DACH1: variants seen among roughly 807,000 people sequenced by gnomAD.
DACH1 encodes dachshund family transcription factor 1.
Under a neutral mutation model 54.2 loss-of-function variants are expected in DACH1, and 12 were observed. The observed-to-expected ratio is 0.22, with a 90% confidence interval of 0.14 to 0.36. DACH1 has a LOEUF of 0.36. DACH1 is among the 10% of genes least tolerant of loss of function. DACH1 has a pLI of 1.00. For missense variants in DACH1, 805 were observed against 929.8 expected (o/e 0.87, Z 1.75); for synonymous variants, 386 against 366.2 (o/e 1.05, Z -0.62).
At chr13:71,783,403 T>C (rs1886462325) in intron 1 of DACH1, among the ~76,000 whole-genome samples, 1 of 152,108 alleles carries the variant, frequency 6.6e-6, no homozygotes, top group African/African-American at 2.4e-5. Flanking sequence ...CACTAACATA[T>C]ACAAACAAGA....
Position 71,438,471 on chromosome 13 carries a change from C to T in DACH1, c.*2184G>A, listed in dbSNP as rs187889953. On this transcript the variant is annotated 3_prime_UTR_variant, in exon 11 of 11. Transcript: ENST00000613252. ...ATATTTACAACATGTTAGTAAGAGT[C>T]TCTCTTAACATACAGCTGATAGCTT... is the stretch of plus-strand genomic sequence containing the variant. The T allele has an allele frequency of 5.2e-5, 8 of 152,478 alleles. No individual in the cohort carries two copies. Among genetic ancestry groups the T allele is most frequent in the Non-Finnish European group, 1.0e-4 (7 of 67,846 alleles). 9.4% of individuals were successfully genotyped at this position (152,478 alleles called of 1,614,324 possible).
At chr13:71,571,928 G>T (rs1885236779) in intron 4 of DACH1, among the ~76,000 whole-genome samples, 1 of 151,658 alleles carries the variant, frequency 6.6e-6, no homozygotes, top group Non-Finnish European at 1.5e-5. Flanking sequence ...ATAGATACGG[G>T]GTTTCACCAT....
chr13:71,843,144 A>T (rs1323309600), intron 1 of DACH1, among the ~76,000 whole-genome samples: 1 of 152,172 alleles, frequency 6.6e-6, no homozygotes, highest in African/African-American at 2.4e-5. Context: ...TGATACAAGC[A>T]TGCAATGTGT....
intron 3 of DACH1, among the ~76,000 whole-genome samples, chr13:71,583,591 C>T (rs1405232889): frequency 6.6e-6 from 1 of 152,058 alleles, no homozygotes; most frequent in Non-Finnish European, 1.5e-5. Context: ...ATCTGTAATC[C>T]CAGCACTTTG....
intron 1 of DACH1, among the ~76,000 whole-genome samples, chr13:71,736,729 G>A (rs1230427393): frequency 6.6e-6 from 1 of 152,106 alleles, no homozygotes; most frequent in East Asian, 1.9e-4. Flanking sequence ...TAGGATTAGA[G>A]CAGTAATAGT....
At chr13:71,590,843 C>G (rs146929864) in intron 3 of DACH1, among the ~76,000 whole-genome samples, 5 of 131,154 alleles carry the variant, frequency 3.8e-5, no homozygotes, top group African/African-American at 1.4e-4. Context: ...TTTTTCTTTT[C>G]TTTTTCTCTC....
At chr13:71,660,947 G>A (rs1427534090) in intron 2 of DACH1, among the ~76,000 whole-genome samples, 1 of 150,088 alleles carries the variant, frequency 6.7e-6, no homozygotes, top group East Asian at 2.0e-4. Flanking sequence ...TCTTTAGAGA[G>A]TATTATGGAT....
At chr13:71,780,984 A>G (rs964424766) in intron 1 of DACH1, among the ~76,000 whole-genome samples, 4 of 152,132 alleles carry the variant, frequency 2.6e-5, no homozygotes, top group African/African-American at 9.7e-5. Flanking sequence ...AAATAAAAAT[A>G]AATTAGCTGG....
chr13:71,542,636 C>A (rs904661673), intron 6 of DACH1, among the ~76,000 whole-genome samples: 3 of 152,074 alleles, frequency 2.0e-5, no homozygotes, highest in African/African-American at 7.2e-5. Context: ...TAATCTTAAA[C>A]CACTGCCATG....
At chr13:71,752,817 T>C (rs1401157571) in intron 1 of DACH1, among the ~76,000 whole-genome samples, 1 of 152,184 alleles carries the variant, frequency 6.6e-6, no homozygotes, top group African/African-American at 2.4e-5. Flanking sequence ...GATATTTTAG[T>C]GTGTGAAGAA....
At chr13:71,856,178 T>C (rs1365157448) in intron 1 of DACH1, among the ~76,000 whole-genome samples, 2 of 151,942 alleles carry the variant, frequency 1.3e-5, no homozygotes, top group Non-Finnish European at 2.9e-5. Flanking sequence ...GGCTCCAATA[T>C]TAAGGTTTGA....
chr13:71,491,638 A>G (rs987650264), intron 6 of DACH1, among the ~76,000 whole-genome samples: 1 of 152,212 alleles, frequency 6.6e-6, no homozygotes, highest in Non-Finnish European at 1.5e-5. Flanking sequence ...TCTTAAAGTC[A>G]ATACACAATT....
At chr13:71,568,533 G>A (rs1307809376) in intron 4 of DACH1, among the ~76,000 whole-genome samples, 1 of 151,958 alleles carries the variant, frequency 6.6e-6, no homozygotes, top group African/African-American at 2.4e-5. Context: ...ATATTGAAAT[G>A]GCTAGAACCT....
Position 71,695,166 on chromosome 13 carries a change from C to A in DACH1, c.849-13256G>T, listed in dbSNP as rs532826732. Among the ~76,000 whole-genome samples the A allele has an allele frequency of 1.3e-5, 2 of 152,102 alleles. 1 individual carries two copies. Among genetic ancestry groups the A allele is most frequent in the African/African-American group, 4.8e-5 (2 of 41,422 alleles). ...TTTCAGTCAATTTTTAATTTCATTG[C>A]TTGTTAGAGGATTTTCTAATATTTA... is the stretch of plus-strand genomic sequence containing the variant. On this transcript the variant is annotated intron_variant, in intron 1 of 10. Coordinates refer to ENST00000613252, the MANE Select transcript of DACH1 (RefSeq NM_080759.6).
rs115076184 is a variant in DACH1, at chr13:71,857,514, C to T, written c.848+8408G>A. 5.8e-3 allele frequency among the ~76,000 whole-genome samples: 886 copies of T among 151,606 alleles called. 6 individuals are homozygous for T. The highest frequency in any genetic ancestry group is 0.02 in the African/African-American group (826 of 41,440). On this transcript the variant is annotated intron_variant, in intron 1 of 10. Transcript: ENST00000613252. ...CAACACATATACATGTATGTAAAGG[C>T]TTTTCTACCAAATGTACGACAATTA... is the stretch of plus-strand genomic sequence containing the variant.
chr13:71,701,336 ACAAT>A (rs1378900154), intron 1 of DACH1, among the ~76,000 whole-genome samples: 1 of 152,210 alleles, frequency 6.6e-6, no homozygotes, highest in East Asian at 1.9e-4. Flanking sequence ...ATAATATGTG[ACAAT>A]CAGAGTTATA....
At chr13:71,725,786 G>A (rs1418370913) in intron 1 of DACH1, among the ~76,000 whole-genome samples, 1 of 151,918 alleles carries the variant, frequency 6.6e-6, no homozygotes, top group East Asian at 1.9e-4. Context: ...AAATAATACA[G>A]TATTAAAAAA....
At chr13:71,604,708 A>G (rs575221374) in intron 3 of DACH1, among the ~76,000 whole-genome samples, 1 of 152,070 alleles carries the variant, frequency 6.6e-6, no homozygotes, top group East Asian at 1.9e-4. Context: ...GTAAAACTAG[A>G]CACCTTAGAG....
intron 1 of DACH1, among the ~76,000 whole-genome samples, chr13:71,692,562 A>ACC (rs1881565500): frequency 9.4e-6 from 1 of 105,962 alleles, no homozygotes; most frequent in Non-Finnish European, 1.7e-5. Context: ...CTCTGTCACC[A>ACC]CCCAGGCTGG....
Sources: allele counts gnomAD v4.1 joint callset (sites outside exome capture counted in the v4.1 genomes callset), GRCh38; gene constraint gnomAD v4.1.1; transcripts MANE v1.5; gene names NCBI Gene and HGNC (gene_info 2026-07-23, HGNC 2026-07-21).